TBR1: variants seen among roughly 807,000 people sequenced by gnomAD.
The protein encoded by TBR1 is T-box brain transcription factor 1.
In TBR1, 7 loss-of-function variants were observed where a neutral mutation model predicts 60.3. The ratio of observed to expected loss-of-function variants is 0.12; its 90% CI spans 0.07 to 0.22. The LOEUF (loss-of-function observed/expected upper bound fraction) is 0.22, where lower values mean the gene tolerates loss of function less well. Ranked by LOEUF, TBR1 falls within the 10% of genes least tolerant of loss-of-function variation. The pLI is 1.00. For missense variants in TBR1, 616 were observed against 936.8 expected (o/e 0.66, Z 4.47); for synonymous variants, 417 against 409.9 (o/e 1.02, Z -0.21).
At chr2:161,418,797 C>A (rs958000425) in intron 3 of TBR1, 95 bp from the exon 4 acceptor site, 3 of 1,492,238 alleles carry the variant, frequency 2.0e-6, no homozygotes, top group Admixed American at 4.4e-5. Flanking sequence ...AGGCTGCCTC[C>A]GCCGGCCCGG....
Position 161,423,512 on chromosome 2 carries a change from T to A in TBR1, c.1334T>A (p.Phe445Tyr). The part of the protein sequence containing the change: ...QFVSNYAKAR[F>Y]HPGAGAGPGP... ...GTGAGCAACTACGCCAAGGCCCGCT[T>A]CCACCCGGGCGCGGGCGCGGGCCCC... Residue 445 changes from phenylalanine (F) to tyrosine (Y), a missense_variant, in exon 6 of 6, where the codon TTC becomes TAC. Transcript: ENST00000389554. 1 of 1,589,098 alleles carries A rather than the reference T, an allele frequency of 6.3e-7. No homozygotes were observed. The highest frequency in any genetic ancestry group is 1.1e-5 in the South Asian group (1 of 87,998).
In TBR1 at chr2:161,417,929, CG is replaced by C. The variant is rs1684157778; in HGVS notation, c.847+101del. ...TGGCTCGAGCGACTTTTAAAACGAT[CG>C]GCCAATGACTTCTAAAAGGAAACGA... On this transcript the variant is annotated intron_variant, in intron 2 of 5. Transcript: ENST00000389554. The surrounding 1 kb of genome is among the most constrained non-coding windows in gnomAD (Gnocchi z 5.3). 6.7e-7 allele frequency: 1 copy of C among 1,490,368 alleles called. No individual in the cohort carries two copies. Among genetic ancestry groups the C allele is most frequent in the Admixed American group, 2.5e-5 (1 of 40,696 alleles). 92.3% of individuals were successfully genotyped at this position (1,490,368 alleles called of 1,614,324 possible).
intron 5 of TBR1, 77 bp downstream of exon 5, chr2:161,420,334 G>A: frequency 1.7e-6 from 2 of 1,197,862 alleles, no homozygotes; most frequent in South Asian, 3.0e-5. Flanking sequence ...TTATGTACAA[G>A]GATTTTGAAA....
Position 161,416,965 on chromosome 2 carries a change from A to C in TBR1, c.555A>C (p.Gln185His). 6.2e-7 allele frequency: 1 copy of C among 1,614,146 alleles called. No homozygotes were observed. The highest frequency in any genetic ancestry group is 1.1e-5 in the South Asian group (1 of 91,084). ...PYPQQYGHSY[Q>H]GAPFYQFSST... Reference sequence around the variant, plus strand: ...CACAGCAGTACGGCCACTCCTACCAAGGAGCTCCGTTCTACCAGTTCTCCT... The same window carrying C: ...CACAGCAGTACGGCCACTCCTACCACGGAGCTCCGTTCTACCAGTTCTCCT... Residue 185 changes from glutamine to histidine, a missense_variant, in exon 1 of 6, where the codon CAA becomes CAC. Gln to His is a conservative substitution (Grantham distance 24). This residue lies in a region of TBR1 where 211 missense variants were observed against 268.7 expected (regional missense o/e 0.79). Transcript: ENST00000389554. The surrounding 1 kb of genome is among the most constrained non-coding windows in gnomAD (Gnocchi z 6.1).
At position 161,423,651 on chromosome 2, in the gene TBR1, C is replaced by T. The variant is rs759682350; in HGVS notation, c.1473C>T (p.Asn491=). The change falls in exon 6 of 6, where the codon AAC becomes AAT. Residue 491 remains asparagine, a synonymous_variant. Transcript: ENST00000389554. ...PQRWFVTPAN[N]RLDFAASAYD... ...GCTGGTTTGTGACGCCGGCCAACAA[C>T]CGGCTGGACTTCGCGGCCTCGGCCT... is the stretch of plus-strand genomic sequence containing the variant. The T allele has an allele frequency of 2.6e-6, 4 of 1,543,208 alleles. No individual in the cohort carries two copies. The South Asian group carries it at 4.8e-5, about 18-fold the overall frequency.
At chr2:161,419,196 C>T in intron 4 of TBR1, 146 bp downstream of exon 4, 1 of 1,199,270 alleles carries the variant, frequency 8.3e-7, no homozygotes, top group Non-Finnish European at 1.2e-6. Context: ...AGGCTTAGGG[C>T]TCGGGGCCTG....
rs773350859 is a variant in TBR1 at position 161,417,625 on chromosome 2, T to C, written c.693-51T>C. ...CGCTTCTTGCATTTAATCTTTAACA[T>C]TTATGTTTCTTTTTTCCTTGTTTTC... is the stretch of plus-strand genomic sequence containing the variant. On this transcript the variant is annotated intron_variant, in intron 1 of 5. Transcript: ENST00000389554. The surrounding 1 kb of genome is among the most constrained non-coding windows in gnomAD (Gnocchi z 5.3). 2 of 1,580,004 alleles carry C rather than the reference T, an allele frequency of 1.3e-6. No homozygotes were observed. The highest frequency in any genetic ancestry group is 2.7e-5 in the African/African-American group (2 of 73,222).
In TBR1 at chr2:161,417,049, T is replaced by G. The variant is rs1684136516; in HGVS notation, c.639T>G (p.Leu213=). The change falls in exon 1 of 6, where the codon CTT becomes CTG. Residue 213 remains leucine, a synonymous_variant. Coordinates refer to ENST00000389554, the MANE Select transcript of TBR1 (RefSeq NM_006593.4). The surrounding 1 kb of genome is among the most constrained non-coding windows in gnomAD (Gnocchi z 5.3). ...KAQVYLCNRP[L]WLKFHRHQTE... ...AGGTGTACCTGTGCAACAGGCCCCT[T>G]TGGCTGAAATTTCACCGGCACCAAA... 1 of 1,611,300 alleles carries G rather than the reference T, an allele frequency of 6.2e-7. No individual in the cohort carries two copies. Among genetic ancestry groups the G allele is most frequent in the Non-Finnish European group, 8.5e-7 (1 of 1,179,006 alleles).
At position 161,424,892 on chromosome 2, in the gene TBR1, TCTC is replaced by T. The variant is rs2105283373; in HGVS notation, c.*666_*668del. 1 of 152,788 alleles carries T rather than the reference TCTC, an allele frequency of 6.5e-6. No individual in the cohort carries two copies. Among genetic ancestry groups the T allele is most frequent in the African/African-American group, 2.4e-5 (1 of 41,568 alleles). The allele number at this position is 152,788 out of a possible 1,614,324, so 9.5% of individuals were successfully genotyped here. A position where few individuals can be genotyped will look rare whatever the true frequency, so the allele number is the denominator to read the frequency against. Reference sequence around the variant, plus strand: ...CTTTCTCTCCTCTCATACTTTCTCTTCTCTCTCTTTTAATTTTCTTGTGAGATA... The same window carrying T: ...CTTTCTCTCCTCTCATACTTTCTCTTTCTCTTTTAATTTTCTTGTGAGATA... On this transcript the variant is annotated 3_prime_UTR_variant, in exon 6 of 6. Coordinates refer to ENST00000389554, the MANE Select transcript of TBR1 (RefSeq NM_006593.4). This position sits in a 1 kb window ranked among gnomAD's most constrained non-coding sequence, Gnocchi z 4.4.
In TBR1 at chr2:161,418,330, G is replaced by A; in HGVS notation, c.969+8G>A. ...TCAAATAACAATGGGCAGGTCAGTG[G>A]CTCAAGCGCTCGTGTTTTCTCTCTC... On this transcript the variant is annotated splice_region_variant and intron_variant, in intron 3 of 5. Coordinates refer to ENST00000389554, the MANE Select transcript of TBR1 (RefSeq NM_006593.4). The A allele has an allele frequency of 1.2e-6, 2 of 1,611,058 alleles. No homozygotes were observed. Among genetic ancestry groups the A allele is most frequent in the Non-Finnish European group, 8.5e-7 (1 of 1,178,528 alleles).
Position 161,419,067 on chromosome 2 carries a change from G to T in TBR1, c.1128+17G>T, listed in dbSNP as rs779849777. On this transcript the variant is annotated intron_variant, in intron 4 of 5. Coordinates refer to ENST00000389554, the MANE Select transcript of TBR1 (RefSeq NM_006593.4). ...AACACGGATGTAAGGAGACCTAGGG[G>T]CTGGGGGCGAGGCGGGCGGCACAGA... 2 of 1,613,718 alleles carry T rather than the reference G, an allele frequency of 1.2e-6. No individual in the cohort carries two copies. Among genetic ancestry groups the T allele is most frequent in the Non-Finnish European group, 1.7e-6 (2 of 1,179,872 alleles).
chr2:161,419,148 G>A, intron 4 of TBR1, 98 bp downstream of exon 4: 3 of 1,556,502 alleles, frequency 1.9e-6, no homozygotes, highest in East Asian at 2.3e-5. Flanking sequence ...TACTAGCAGC[G>A]CTAACATCAG....
At chr2:161,421,386 T>C (rs1684228694) in intron 5 of TBR1, 1 of 152,252 alleles carries the variant, frequency 6.6e-6, no homozygotes, top group Non-Finnish European at 1.5e-5. Flanking sequence ...CCACCATATA[T>C]ATTCTTCAAA....
chr2:161,418,542 T>C, intron 3 of TBR1: 1 of 622,120 alleles, frequency 1.6e-6, no homozygotes, highest in East Asian at 3.0e-5. Flanking sequence ...TGCCCGACCT[T>C]CCCAAGTACT....
Position 161,423,517 on chromosome 2 carries a change from C to T in TBR1, c.1339C>T (p.Pro447Ser). 6.3e-7 allele frequency: 1 copy of T among 1,585,478 alleles called. No homozygotes were observed. Among genetic ancestry groups the T allele is most frequent in the Non-Finnish European group, 8.6e-7 (1 of 1,168,284 alleles). Residue 447 changes from proline (P) to serine (S), a missense_variant, in exon 6 of 6, where the codon CCG becomes TCG. Transcript: ENST00000389554. The stretch of plus-strand genomic sequence containing the variant: ...CAACTACGCCAAGGCCCGCTTCCAC[C>T]CGGGCGCGGGCGCGGGCCCCGGGCC... Reference protein sequence around the residue: ...VSNYAKARFHPGAGAGPGPGT... With the variant: ...VSNYAKARFHSGAGAGPGPGT...
Position 161,417,171 on chromosome 2 carries a change from G to C in TBR1, c.692+69G>C. On this transcript the variant is annotated intron_variant, in intron 1 of 5. Transcript: ENST00000389554. This position sits in a 1 kb window ranked among gnomAD's most constrained non-coding sequence, Gnocchi z 5.3. ...GGACAAGTGCACCTAGGCTGTGACT[G>C]CCGCGGCAGCGACGATTTGGGGTCG... 6.8e-7 allele frequency: 1 copy of C among 1,466,360 alleles called. No homozygotes were observed. Among genetic ancestry groups the C allele is most frequent in the Non-Finnish European group, 9.1e-7 (1 of 1,095,098 alleles). The allele number at this position is 1,466,360 out of a possible 1,614,324, so 90.8% of individuals were successfully genotyped here. A position where few individuals can be genotyped will look rare whatever the true frequency, so the allele number is the denominator to read the frequency against.
chr2:161,419,158 G>A (rs1465363961), intron 4 of TBR1, 108 bp downstream of exon 4: 25 of 1,516,716 alleles, frequency 1.6e-5, no homozygotes, highest in Non-Finnish European at 2.1e-5. Flanking sequence ...GCTAACATCA[G>A]CAACAGCTGG....
At position 161,417,757 on chromosome 2, in the gene TBR1, G is replaced by T. The variant is rs76939068; in HGVS notation, c.774G>T (p.Leu258Phe). 6.2e-7 allele frequency: 1 copy of T among 1,613,718 alleles called. No individual in the cohort carries two copies. The highest frequency in any genetic ancestry group is 8.5e-7 in the Non-Finnish European group (1 of 1,179,994). The change falls in exon 2 of 6, where the codon TTG becomes TTT. Residue 258 changes from leucine (L) to phenylalanine (F), a missense_variant. Physicochemically the swap from Leu to Phe is conservative, Grantham distance 22. Around this residue, in one of 8 missense-constraint regions of TBR1, gnomAD observed 85 missense variants for 164.9 expected, o/e 0.52. Coordinates refer to ENST00000389554, the MANE Select transcript of TBR1 (RefSeq NM_006593.4). This position sits in a 1 kb window ranked among gnomAD's most constrained non-coding sequence, Gnocchi z 5.3. ...AHYNIFVDVI[L>F]ADPNHWRFQG... is the part of the protein sequence containing the mutation. ...ACAATATTTTTGTGGATGTGATTTTGGCGGATCCCAATCACTGGAGGTTTC... is the reference window on the plus strand; with the variant it reads ...ACAATATTTTTGTGGATGTGATTTTTGCGGATCCCAATCACTGGAGGTTTC...
At position 161,424,286 on chromosome 2, in the gene TBR1, T is replaced by G; in HGVS notation, c.*59T>G. On this transcript the variant is annotated 3_prime_UTR_variant, in exon 6 of 6. Transcript: ENST00000389554. The surrounding 1 kb of genome is among the most constrained non-coding windows in gnomAD (Gnocchi z 4.4). ...GGACCCCCAGCCAGCCCCTCACAGCTCTTCCCCAGCTCCGCCTCCCCACAC... is the reference window on the plus strand; with the variant it reads ...GGACCCCCAGCCAGCCCCTCACAGCGCTTCCCCAGCTCCGCCTCCCCACAC... 1 of 1,470,600 alleles carries G rather than the reference T, an allele frequency of 6.8e-7. No individual in the cohort carries two copies. Among genetic ancestry groups the G allele is most frequent in the Non-Finnish European group, 9.1e-7 (1 of 1,101,438 alleles). 91.1% of individuals were successfully genotyped at this position (1,470,600 alleles called of 1,614,324 possible).
Sources: gnomAD v4.1 joint callset for allele counts on GRCh38, gnomAD v4.1.1 for gene constraint, gnomAD v4.1.1 regional missense constraint, Gnocchi (gnomAD v3.1) non-coding constraint, MANE v1.5 for transcripts, NCBI Gene and HGNC (gene_info 2026-07-23, HGNC 2026-07-21) for gene names.